Variants in ENPP1 observed in about 807,000 individuals in gnomAD.
ENPP1 encodes ectonucleotide pyrophosphatase/phosphodiesterase family member 1.
In ENPP1, 73 loss-of-function variants were observed where a neutral mutation model predicts 122.8. The ratio of observed to expected loss-of-function variants is 0.59; its 90% CI spans 0.49 to 0.72. The LOEUF (loss-of-function observed/expected upper bound fraction) is 0.72. Ranked by LOEUF, ENPP1 falls within the 30% of genes least tolerant of loss-of-function variation. The probability of loss-of-function intolerance (pLI) is 0.00; values close to 1 mark genes in which losing one functional copy is unlikely to be tolerated. For missense variants in ENPP1, 978 were observed against 1,128.1 expected (o/e 0.87, Z 1.91); for synonymous variants, 367 against 391.6 (o/e 0.94, Z 0.74).
intron 1 of ENPP1, chr6:131,827,225 G>T: frequency 2.1e-6 from 2 of 935,724 alleles, no homozygotes; most frequent in Non-Finnish European, 3.5e-6. Flanking sequence ...TACTGAGGTT[G>T]ATCTGTTTCA....
rs1159696680 is a variant in ENPP1 at position 131,891,872 on chromosome 6, ATTCT to A, written c.*1364_*1367del. ...TATTCTTCTGTCTCGAAGCTCACTG[ATTCT>A]TTATTCTGTCTAATCTGTTCTGCTG... On this transcript the variant is annotated 3_prime_UTR_variant, in exon 25 of 25. Transcript: ENST00000647893. The A allele has an allele frequency of 6.8e-6, 1 of 146,972 alleles. No homozygotes were observed. The highest frequency in any genetic ancestry group is 2.5e-5 in the African/African-American group (1 of 39,658). The allele number at this position is 146,972 out of a possible 1,614,324, so 9.1% of individuals were successfully genotyped here. A position where few individuals can be genotyped will look rare whatever the true frequency, so the allele number is the denominator to read the frequency against.
intron 12 of ENPP1, among the ~76,000 whole-genome samples, chr6:131,868,814 C>G (rs1562180071): frequency 6.6e-6 from 1 of 152,322 alleles, no homozygotes; most frequent in East Asian, 1.9e-4. Flanking sequence ...TTCACTTTTA[C>G]TTACTGTGAT....
Position 131,886,744 on chromosome 6 carries a change from T to G in ENPP1, c.2607+20T>G. The G allele has an allele frequency of 4.4e-6, 7 of 1,605,768 alleles. No homozygotes were observed. Among genetic ancestry groups the G allele is most frequent in the Non-Finnish European group, 6.0e-6 (7 of 1,175,410 alleles). On this transcript the variant is annotated intron_variant, in intron 24 of 24. Coordinates refer to ENST00000647893, the MANE Select transcript of ENPP1 (RefSeq NM_006208.3). ...TGTGTGGTAAGTAGCTTTTGTATATTTACTTTGCATGTTGAAAATCTAGAC... is the reference window on the plus strand; with the variant it reads ...TGTGTGGTAAGTAGCTTTTGTATATGTACTTTGCATGTTGAAAATCTAGAC...
chr6:131,816,195 T>C (rs1306038153), intron 1 of ENPP1, among the ~76,000 whole-genome samples: 1 of 152,246 alleles, frequency 6.6e-6, no homozygotes, highest in East Asian at 1.9e-4. Context: ...TTGTGGCCTT[T>C]TTGTACAAGC....
intron 20 of ENPP1, among the ~76,000 whole-genome samples, 199 bp from the exon 21 acceptor site, chr6:131,882,142 CAATT>C (rs1381137438): frequency 3.2e-4 from 48 of 151,324 alleles, no homozygotes; most frequent in African/African-American, 5.1e-4. Flanking sequence ...ATAAATATGA[CAATT>C]AATATCTTTA....
In ENPP1 at chr6:131,890,739, A is replaced by G. The variant is rs2114737441; in HGVS notation, c.*228A>G. ...TGTGTAAGCATTGTATACATTGATC[A>G]AGTTCGGGGGAATAAAGACAGACCA... On this transcript the variant is annotated 3_prime_UTR_variant, in exon 25 of 25. Coordinates refer to ENST00000647893, the MANE Select transcript of ENPP1 (RefSeq NM_006208.3). 2 of 549,268 alleles carry G rather than the reference A, an allele frequency of 3.6e-6. No homozygotes were observed. The highest frequency in any genetic ancestry group is 3.1e-5 in the East Asian group (1 of 31,898). 34.0% of individuals were successfully genotyped at this position (549,268 alleles called of 1,614,324 possible).
intron 1 of ENPP1, 114 bp downstream of exon 1, chr6:131,808,389 C>G: frequency 7.9e-7 from 1 of 1,267,670 alleles, no homozygotes; most frequent in Non-Finnish European, 1.0e-6. Flanking sequence ...GAGGCATGGT[C>G]CGGGAGTGCT....
At chr6:131,849,582 T>G (rs1320031690) in intron 2 of ENPP1, among the ~76,000 whole-genome samples, 1 of 152,108 alleles carries the variant, frequency 6.6e-6, no homozygotes, top group East Asian at 1.9e-4. Context: ...TAAAAAAAAT[T>G]TTTCCCACAT....
intron 14 of ENPP1, 72 bp downstream of exon 14, chr6:131,872,173 G>A: frequency 9.6e-7 from 1 of 1,044,180 alleles, no homozygotes; most frequent in Non-Finnish European, 1.5e-6. Context: ...AAAAGTTTCA[G>A]CATCTATTAT....
At chr6:131,882,238 A>G in intron 20 of ENPP1, 107 bp from the exon 21 acceptor site, 3 of 907,802 alleles carry the variant, frequency 3.3e-6, no homozygotes, top group East Asian at 2.8e-5. Context: ...ATGAGCTGAC[A>G]GCTAGAGCTT....
intron 1 of ENPP1, chr6:131,827,283 TA>T: frequency 2.3e-6 from 3 of 1,322,326 alleles, no homozygotes; most frequent in South Asian, 1.2e-5. Flanking sequence ...GCGTCTGGAA[TA>T]AAAAGGATCA....
intron 1 of ENPP1, among the ~76,000 whole-genome samples, chr6:131,809,212 A>G (rs1781318675): frequency 6.6e-6 from 1 of 152,212 alleles, no homozygotes; most frequent in Non-Finnish European, 1.5e-5. Context: ...TTTTTATTGT[A>G]TTATATGGAA....
chr6:131,818,128 G>A (rs1428542174), intron 1 of ENPP1, among the ~76,000 whole-genome samples: 2 of 152,040 alleles, frequency 1.3e-5, no homozygotes, highest in Non-Finnish European at 2.9e-5. Flanking sequence ...GCTCTCTTAT[G>A]GTTAGAGAGA....
At chr6:131,818,829 AT>A (rs557853518) in intron 1 of ENPP1, among the ~76,000 whole-genome samples, 2 of 151,918 alleles carry the variant, frequency 1.3e-5, no homozygotes, top group South Asian at 2.1e-4. Flanking sequence ...AGCTGAACTA[AT>A]TTTTTTTCAA....
At chr6:131,858,854 T>C (rs1033746758) in intron 7 of ENPP1, 107 bp downstream of exon 7, 8 of 858,102 alleles carry the variant, frequency 9.3e-6, no homozygotes, top group Admixed American at 4.0e-5. Flanking sequence ...TATTTTCCAA[T>C]AGGTAGTTAA....
At chr6:131,836,604 A>G (rs1477070859) in intron 1 of ENPP1, among the ~76,000 whole-genome samples, 1 of 152,176 alleles carries the variant, frequency 6.6e-6, no homozygotes, top group Non-Finnish European at 1.5e-5. Flanking sequence ...GTTTTTTTAA[A>G]TGCACGAGAT....
chr6:131,808,304 G>A, intron 1 of ENPP1, 29 bp downstream of exon 1: 2 of 1,482,156 alleles, frequency 1.3e-6, no homozygotes, highest in African/African-American at 1.4e-5. Flanking sequence ...CCCGGCGCCC[G>A]GGAGGGCTGG....
chr6:131,888,254 T>G (rs1782415379), intron 24 of ENPP1, among the ~76,000 whole-genome samples: 1 of 151,324 alleles, frequency 6.6e-6, no homozygotes, highest in Non-Finnish European at 1.5e-5. Flanking sequence ...TTTTTTTCAT[T>G]GAAGTGACAC....
chr6:131,860,805 A>G (rs569307852), intron 8 of ENPP1, among the ~76,000 whole-genome samples: 59 of 152,166 alleles, frequency 3.9e-4, no homozygotes, highest in Non-Finnish European at 6.6e-4. Flanking sequence ...GCTTTGATCT[A>G]CACAAAACTA....
Sources: gnomAD v4.1 joint callset for allele counts (sites outside exome capture counted in the v4.1 genomes callset) on GRCh38, gnomAD v4.1.1 for gene constraint, MANE v1.5 for transcripts, NCBI Gene and HGNC (gene_info 2026-07-23, HGNC 2026-07-21) for gene names.